ODF2L: variants seen among roughly 807,000 people sequenced by gnomAD.
ODF2L encodes the protein outer dense fiber of sperm tails 2 like, also known as protein BCAP.
ODF2L carries 76 observed loss-of-function variants against 86.3 expected under a neutral mutation model. That is an observed-to-expected ratio of 0.88 (90% confidence interval 0.73 to 1.07). The LOEUF is 1.07. Among genes scored for constraint, ODF2L ranks in the 50% least tolerant of loss-of-function variants. The pLI is 0.00. For synonymous variants in ODF2L, 241 were observed against 231.3 expected (o/e 1.04, Z -0.38); for missense variants, 748 against 717.4 (o/e 1.04, Z -0.49).
chr1:86,351,982 T>A, exon 18 of ODF2L: 6 of 1,276,284 alleles, frequency 4.7e-6, no homozygotes, highest in Non-Finnish European at 5.0e-6. Context: ...TTTTACAATA[T>A]CAGAAAGTCA....
chr1:86,352,107 A>T, exon 18 of ODF2L: 1 of 1,445,000 alleles, frequency 6.9e-7, no homozygotes, highest in Admixed American at 3.1e-5. Context: ...AATAAAATCA[A>T]ATTGTGCATG....
At chr1:86,389,135 G>C (rs1216173796) in intron 1 of ODF2L, among the ~76,000 whole-genome samples, 1 of 152,158 alleles carries the variant, frequency 6.6e-6, no homozygotes, top group Non-Finnish European at 1.5e-5. Context: ...TATAAGAAAT[G>C]CTATCATTTT....
chr1:86,353,683 GA>G (rs975320415), intron 16 of ODF2L, among the ~76,000 whole-genome samples: 2 of 152,160 alleles, frequency 1.3e-5, no homozygotes, highest in African/African-American at 4.8e-5. Flanking sequence ...TAATTCCTAT[GA>G]ACTCGGTTCT....
At chr1:86,364,177 TC>T (rs2100911902) in intron 11 of ODF2L, among the ~76,000 whole-genome samples, 1 of 152,322 alleles carries the variant, frequency 6.6e-6, no homozygotes, top group East Asian at 1.9e-4. Context: ...ATCTTTCTAA[TC>T]CTTTCTCTCT....
At chr1:86,382,324 G>A (rs753936180) in exon 7 of ODF2L, 1 of 1,611,392 alleles carries the variant, frequency 6.2e-7, no homozygotes, top group South Asian at 1.1e-5. Flanking sequence ...TACTTTTACT[G>A]ATTGGGAAAA....
intron 8 of ODF2L, among the ~76,000 whole-genome samples, chr1:86,372,970 G>A (rs1188677712): frequency 6.6e-6 from 1 of 152,148 alleles, no homozygotes; most frequent in Non-Finnish European, 1.5e-5. Flanking sequence ...CTAGGGAGAA[G>A]GGAGGGAGGG....
chr1:86,379,689 A>T (rs1047017944), intron 7 of ODF2L, among the ~76,000 whole-genome samples: 5 of 152,232 alleles, frequency 3.3e-5, no homozygotes, highest in Admixed American at 6.5e-5. Context: ...TTTAGGGGGC[A>T]CGCCCTGACA....
At chr1:86,360,520 A>G (rs755860764) in exon 12 of ODF2L, 1 of 1,584,014 alleles carries the variant, frequency 6.3e-7, no homozygotes, top group Non-Finnish European at 8.6e-7. Flanking sequence ...TTCATCCTTC[A>G]AAGCAGCAAG....
At chr1:86,390,847 A>C (rs1661275040) in intron 1 of ODF2L, among the ~76,000 whole-genome samples, 1 of 152,188 alleles carries the variant, frequency 6.6e-6, no homozygotes, top group Non-Finnish European at 1.5e-5. Context: ...ATCAGAGAAG[A>C]GAAAGAAATA....
chr1:86,364,785 A>C (rs183855720), intron 11 of ODF2L, among the ~76,000 whole-genome samples: 4 of 152,324 alleles, frequency 2.6e-5, no homozygotes, highest in Admixed American at 2.6e-4. Flanking sequence ...ATGGCAGAAC[A>C]GAAAGCTAAA....
At chr1:86,366,597 C>T (rs1055270384) in intron 11 of ODF2L, among the ~76,000 whole-genome samples, 3 of 100,426 alleles carry the variant, frequency 3.0e-5, no homozygotes, top group East Asian at 6.7e-4. Context: ...CAGAGCAAGA[C>T]TCTGTCTCAA....
chr1:86,360,162 G>A (rs887255285), intron 12 of ODF2L, among the ~76,000 whole-genome samples: 1 of 151,994 alleles, frequency 6.6e-6, no homozygotes, highest in African/African-American at 2.4e-5. Context: ...ATACATTAAG[G>A]GTCACATTAT....
At chr1:86,352,830 A>G in intron 17 of ODF2L, 29 bp downstream of exon 16, 1 of 1,349,016 alleles carries the variant, frequency 7.4e-7, no homozygotes, top group South Asian at 1.3e-5. Context: ...GTTATCTTTT[A>G]TAATATGTTA....
chr1:86,354,392 T>C, intron 16 of ODF2L, 138 bp downstream of exon 15: 2 of 581,958 alleles, frequency 3.4e-6, no homozygotes, highest in South Asian at 2.5e-5. Flanking sequence ...AAAAGGAAGA[T>C]AGTTAAAGAA....
In ODF2L at chr1:86,360,446, TA is replaced by T; in HGVS notation, c.1233del (p.Ile412LeufsTer17). ...GTCACCTGAGTTTTATACATTTCAA[TA>T]AGGGTTTTCTGTTTTTTTTCTACTT... On this transcript the variant is annotated frameshift_variant, in exon 12 of 18. Coordinates refer to ENST00000317336, the Ensembl canonical transcript of ODF2L. LOFTEE classifies it high-confidence loss of function. 6.5e-7 allele frequency: 1 copy of T among 1,540,798 alleles called. No individual in the cohort carries two copies. Among genetic ancestry groups the T allele is most frequent in the Non-Finnish European group, 9.0e-7 (1 of 1,117,264 alleles).
In ODF2L at chr1:86,356,437, T is replaced by C. The variant is rs1172942134; in HGVS notation, c.1518+7A>G. On this transcript the variant is annotated splice_region_variant and intron_variant, in intron 14 of 17. Transcript: ENST00000317336. The stretch of plus-strand genomic sequence containing the variant: ...ATCTAGCAAAACTCAGAAGGACGGC[T>C]GGACACCTGGCCCTGAAGCTCCCTA... 4 of 1,596,556 alleles carry C rather than the reference T, an allele frequency of 2.5e-6. No individual in the cohort carries two copies. Among genetic ancestry groups the C allele is most frequent in the Non-Finnish European group, 2.6e-6 (3 of 1,169,466 alleles).
chr1:86,381,780 T>C (rs1405063354), intron 7 of ODF2L, among the ~76,000 whole-genome samples: 1 of 152,088 alleles, frequency 6.6e-6, no homozygotes, highest in Non-Finnish European at 1.5e-5. Flanking sequence ...ACATCAAAGT[T>C]GGGCTGATTT....
intron 1 of ODF2L, among the ~76,000 whole-genome samples, chr1:86,393,255 C>A (rs1661453120): frequency 6.6e-6 from 1 of 152,096 alleles, no homozygotes. Flanking sequence ...TGGCTTCAAA[C>A]ACAGCTTCTA....
At chr1:86,363,805 T>C (rs1422589429) in intron 11 of ODF2L, among the ~76,000 whole-genome samples, 1 of 152,078 alleles carries the variant, frequency 6.6e-6, no homozygotes, top group East Asian at 1.9e-4. Context: ...TAGAAACAAA[T>C]ACAACTTTTT....
Sources: allele counts gnomAD v4.1 joint callset (sites outside exome capture counted in the v4.1 genomes callset), GRCh38; gene constraint gnomAD v4.1.1; transcripts MANE v1.5; gene names NCBI Gene and HGNC (gene_info 2026-07-23, HGNC 2026-07-21).